CCDC102B: variants seen among roughly 807,000 people sequenced by gnomAD.
The protein encoded by CCDC102B is coiled-coil domain containing 102B.
Under a neutral mutation model 57.4 loss-of-function variants are expected in CCDC102B, and 75 were observed. The ratio of observed to expected loss-of-function variants is 1.31; its 90% CI spans 1.08 to 1.58. CCDC102B has a LOEUF of 1.58. Among genes scored for constraint, CCDC102B ranks in the 40% most tolerant of loss-of-function variants. The pLI, the probability that CCDC102B is intolerant of heterozygous loss-of-function variation, is 0.00. For synonymous variants in CCDC102B, 206 were observed against 201.9 expected, an observed-to-expected ratio of 1.02 and a Z score of -0.17; for missense variants, 636 against 582.6, an observed-to-expected ratio of 1.09 and a Z score of -0.94.
intron 2 of CCDC102B, among the ~76,000 whole-genome samples, chr18:68,791,778 A>G (rs1313928137): frequency 6.6e-6 from 1 of 152,114 alleles, no homozygotes; most frequent in African/African-American, 2.4e-5. Flanking sequence ...AATAACAATG[A>G]GACTTGGAAT....
At chr18:68,957,912 C>G (rs2049944792) in intron 6 of CCDC102B, among the ~76,000 whole-genome samples, 1 of 152,054 alleles carries the variant, frequency 6.6e-6, no homozygotes, top group Non-Finnish European at 1.5e-5. Context: ...CATATTTTCA[C>G]TATTGGCATG....
At position 68,854,794 on chromosome 18, in the gene CCDC102B, C is replaced by G. The variant is rs542383597; in HGVS notation, c.936+8373C>G. Among the ~76,000 whole-genome samples the G allele has an allele frequency of 2.0e-5, 3 of 152,250 alleles. No homozygotes were observed. In the East Asian group the frequency reaches 5.8e-4, roughly 29 times the overall value. ...AGGCTTAATGGGAGTAGATAAAGAA[C>G]GCTTTAGGACATGGGAAGGAAAGTT... On this transcript the variant is annotated intron_variant, in intron 4 of 7. Coordinates refer to ENST00000360242, the MANE Select transcript of CCDC102B (RefSeq NM_024781.3).
chr18:68,970,492 A>T (rs910494763), intron 6 of CCDC102B, among the ~76,000 whole-genome samples: 6 of 151,872 alleles, frequency 4.0e-5, no homozygotes, highest in African/African-American at 1.4e-4. Flanking sequence ...ATTTATAAAT[A>T]TGTAAAGTCT....
intron 6 of CCDC102B, among the ~76,000 whole-genome samples, chr18:68,917,273 C>T (rs1265720058): frequency 1.3e-5 from 2 of 151,952 alleles, no homozygotes; most frequent in Non-Finnish European, 2.9e-5. Context: ...TTCTGGGGCT[C>T]CCCGGTCTGT....
rs986353333 is a variant in CCDC102B at position 69,055,131 on chromosome 18, C to CA, written c.*1003dup. On this transcript the variant is annotated 3_prime_UTR_variant, in exon 8 of 8. Coordinates refer to ENST00000360242, the MANE Select transcript of CCDC102B (RefSeq NM_024781.3). Reference sequence around the variant, plus strand: ...CTCATCTCCCCCTCCATTGATTAGCCAAAAAAAAATGAAATCTTACTAATT... The same window carrying CA: ...CTCATCTCCCCCTCCATTGATTAGCCAAAAAAAAAATGAAATCTTACTAATT... The CA allele has an allele frequency of 4.0e-4, 381 of 961,988 alleles. 1 individual carries two copies. Among genetic ancestry groups the CA allele is most frequent in the Middle Eastern group, 1.6e-3 (3 of 1,872 alleles). The allele number at this position is 961,988 out of a possible 1,614,324, so 59.6% of individuals were successfully genotyped here.
chr18:68,810,680 G>GTTTTTTTTTTTTTTTTTTTTTTTT (rs61714863), intron 1 of CCDC102B, among the ~76,000 whole-genome samples: 2 of 77,042 alleles, frequency 2.6e-5, no homozygotes, highest in Admixed American at 1.6e-4. Flanking sequence ...TCTTTTCTTT[G>GTTTTTTTTTTTTTTTTTTTTTTTT]TTTTTTTTTT....
intron 6 of CCDC102B, among the ~76,000 whole-genome samples, chr18:68,962,369 G>C (rs186770463): frequency 6.6e-5 from 10 of 152,070 alleles, no homozygotes; most frequent in South Asian, 4.2e-4. Flanking sequence ...TGACTCTGAC[G>C]TGTCAATACA....
At chr18:68,943,746 C>A (rs56078362) in intron 6 of CCDC102B, among the ~76,000 whole-genome samples, 19,188 of 152,052 alleles carry the variant, frequency 0.13, 1,567 homozygotes, top group South Asian at 0.27. Flanking sequence ...TTTAAGCCGG[C>A]GGCCAAAGAG....
intron 6 of CCDC102B, among the ~76,000 whole-genome samples, chr18:68,898,983 C>T (rs186763479): frequency 4.6e-5 from 7 of 152,078 alleles, no homozygotes; most frequent in Middle Eastern, 6.8e-3. Context: ...GTCTCTTTGA[C>T]AATGTAGTTA....
chr18:69,052,087 T>C (rs549888049), intron 7 of CCDC102B, among the ~76,000 whole-genome samples: 108 of 151,896 alleles, frequency 7.1e-4, no homozygotes, highest in African/African-American at 2.6e-3. Flanking sequence ...CAAAAATGCT[T>C]GGGACTCTTA....
At chr18:69,027,753 C>T (rs1029983119) in intron 7 of CCDC102B, among the ~76,000 whole-genome samples, 2 of 151,804 alleles carry the variant, frequency 1.3e-5, no homozygotes, top group African/African-American at 4.8e-5. Context: ...TTTCCTTGAA[C>T]AGTGCATACG....
chr18:68,783,374 C>T (rs1336255069), intron 2 of CCDC102B, among the ~76,000 whole-genome samples: 2 of 152,166 alleles, frequency 1.3e-5, no homozygotes, highest in African/African-American at 4.8e-5. Context: ...CCCTTGTGCT[C>T]ATGCTAGGAA....
At chr18:69,001,687 C>T (rs2051204965) in intron 6 of CCDC102B, among the ~76,000 whole-genome samples, 1 of 152,098 alleles carries the variant, frequency 6.6e-6, no homozygotes, top group African/African-American at 2.4e-5. Context: ...CCCCTTCCCA[C>T]CTGGCTGTCT....
At chr18:69,039,461 T>C (rs2145468022) in intron 7 of CCDC102B, among the ~76,000 whole-genome samples, 1 of 152,044 alleles carries the variant, frequency 6.6e-6, no homozygotes, top group Admixed American at 6.6e-5. Flanking sequence ...TAAACATCTA[T>C]TCTAAGTTTT....
chr18:69,053,920 T>C, intron 7 of CCDC102B, 110 bp from the exon 8 acceptor site: 2 of 830,330 alleles, frequency 2.4e-6, no homozygotes, highest in Non-Finnish European at 3.7e-6. Context: ...ACTTACAATC[T>C]ATTCTCTTAG....
chr18:69,010,916 T>G lies in CCDC102B; in HGVS notation c.1264-18T>G. ...AGAATAGACTATAAATAATGTAATT[T>G]TTGTTTTCCTTTGAAAGGAATTACT... On this transcript the variant is annotated intron_variant, in intron 6 of 7. Coordinates refer to ENST00000360242, the MANE Select transcript of CCDC102B (RefSeq NM_024781.3). The G allele has an allele frequency of 6.5e-7, 1 of 1,547,284 alleles. No individual in the cohort carries two copies. The highest frequency in any genetic ancestry group is 2.3e-5 in the East Asian group (1 of 44,238).
chr18:68,831,415 C>G (rs1264106263), intron 1 of CCDC102B, among the ~76,000 whole-genome samples: 1 of 152,080 alleles, frequency 6.6e-6, no homozygotes, highest in Non-Finnish European at 1.5e-5. Context: ...TAATATCTAT[C>G]TGATCAGATA....
chr18:68,859,128 G>A (rs940718191), intron 4 of CCDC102B: 1 of 149,458 alleles, frequency 6.7e-6, no homozygotes, highest in African/African-American at 2.5e-5. Context: ...ACAGAACAGA[G>A]CCCTCAGAAA....
At chr18:68,942,171 G>T (rs372608554) in intron 6 of CCDC102B, among the ~76,000 whole-genome samples, 3 of 152,096 alleles carry the variant, frequency 2.0e-5, no homozygotes, top group Non-Finnish European at 1.5e-5. Flanking sequence ...TGTAGAGACA[G>T]ATTTTTCATA....
Sources: gnomAD v4.1 joint callset for allele counts (sites outside exome capture counted in the v4.1 genomes callset) on GRCh38, gnomAD v4.1.1 for gene constraint, MANE v1.5 for transcripts, NCBI Gene and HGNC (gene_info 2026-07-23, HGNC 2026-07-21) for gene names.